CSMD1: variants seen among roughly 807,000 people sequenced by gnomAD.
CSMD1 encodes CUB and sushi domain-containing protein 1.
In CSMD1, 213 loss-of-function variants were observed where a neutral mutation model predicts 417.5. That is an observed-to-expected ratio of 0.51 (90% CI 0.46 to 0.57). The LOEUF (loss-of-function observed/expected upper bound fraction) is 0.57, where lower values mean the gene tolerates loss of function less well. Ranked by LOEUF, CSMD1 falls within the 20% of genes least tolerant of loss-of-function variation. The pLI is 0.00. For missense variants in CSMD1, 6,923 were observed against 4,529.7 expected, an observed-to-expected ratio of 1.53 and a Z score of -15.17; for synonymous variants, 2,862 against 1,736.8, an observed-to-expected ratio of 1.65 and a Z score of -16.11.
intron 65 of CSMD1, among the ~76,000 whole-genome samples, chr8:2,951,637 A>G (rs1179690862): frequency 6.6e-6 from 1 of 152,154 alleles, no homozygotes; most frequent in Non-Finnish European, 1.5e-5. Flanking sequence ...TACCTGACCC[A>G]TGAAATCACT....
chr8:4,386,855 G>C (rs905132562), intron 3 of CSMD1, among the ~76,000 whole-genome samples: 13 of 152,226 alleles, frequency 8.5e-5, no homozygotes, highest in African/African-American at 3.1e-4. Context: ...AGCAGCAAAT[G>C]TTGAATCCCT....
rs115465521 is a variant in CSMD1, at chr8:3,886,639, G to C, written c.818+111264C>G. Among the ~76,000 whole-genome samples, 1,509 of 152,220 alleles carry C rather than the reference G, an allele frequency of 9.9e-3. 11 individuals carry two copies. The highest frequency in any genetic ancestry group is 0.034 in the Middle Eastern group (10 of 294). On this transcript the variant is annotated intron_variant, in intron 5 of 69. Transcript: ENST00000635120. ...CCCATAGGCTGCAGTTTGCTGAGTA[G>C]TGAGATGTATCTTCTAACAACAGCT...
chr8:2,984,421 T>A (rs1369951175), intron 54 of CSMD1, among the ~76,000 whole-genome samples: 1 of 152,038 alleles, frequency 6.6e-6, no homozygotes, highest in Admixed American at 6.6e-5. Context: ...TTATCTTGGC[T>A]CACTGCAACC....
intron 2 of CSMD1, among the ~76,000 whole-genome samples, chr8:4,586,786 G>T (rs1037339068): frequency 6.6e-6 from 1 of 152,160 alleles, no homozygotes; most frequent in Admixed American, 6.5e-5. Context: ...TGCTCCTCCA[G>T]GATGATACTG....
intron 6 of CSMD1, among the ~76,000 whole-genome samples, chr8:3,724,904 G>A (rs1333476530): frequency 1.3e-5 from 2 of 152,196 alleles, no homozygotes; most frequent in African/African-American, 2.4e-5. Flanking sequence ...ATCTGCCATG[G>A]TAAAGAAGCA....
At chr8:3,967,315 T>C (rs778880966) in intron 5 of CSMD1, among the ~76,000 whole-genome samples, 1 of 152,170 alleles carries the variant, frequency 6.6e-6, no homozygotes, top group African/African-American at 2.4e-5. Context: ...TACACCTGAA[T>C]GGAAATGATG....
chr8:3,673,053 G>C lies in CSMD1; in HGVS notation c.1009+35361C>G, dbSNP rs1223463731. Among the ~76,000 whole-genome samples, 4 of 152,236 alleles carry C rather than the reference G, an allele frequency of 2.6e-5. No individual in the cohort carries two copies. The East Asian group carries it at 7.7e-4, about 29-fold the overall frequency. ...TTCATCTCTAGAAAGTGAGCATTTA[G>C]CGGTATGATTGATATACTGTAAATG... On this transcript the variant is annotated intron_variant, in intron 7 of 69. Coordinates refer to ENST00000635120, the MANE Select transcript of CSMD1 (RefSeq NM_033225.6).
chr8:3,976,314 G>C (rs768698256), intron 5 of CSMD1, among the ~76,000 whole-genome samples: 1 of 151,904 alleles, frequency 6.6e-6, no homozygotes, highest in Non-Finnish European at 1.5e-5. Context: ...TTTTCTCATA[G>C]AGTCAATGCG....
intron 1 of CSMD1, among the ~76,000 whole-genome samples, chr8:4,795,551 C>G (rs1379080877): frequency 6.6e-6 from 1 of 151,876 alleles, no homozygotes; most frequent in Admixed American, 6.5e-5. Context: ...CATGAGCCAC[C>G]GCACCCGGCC....
chr8:4,958,263 T>C (rs1809253196), intron 1 of CSMD1, among the ~76,000 whole-genome samples: 1 of 152,218 alleles, frequency 6.6e-6, no homozygotes, highest in South Asian at 2.1e-4. Flanking sequence ...GAAAAACAGG[T>C]TCAATGAAAG....
intron 3 of CSMD1, among the ~76,000 whole-genome samples, chr8:4,345,426 A>G (rs1004258512): frequency 1.3e-5 from 2 of 152,134 alleles, no homozygotes; most frequent in Non-Finnish European, 2.9e-5. Flanking sequence ...TATAGTGATC[A>G]AATCAGGATA....
At chr8:3,336,912 A>G (rs1465193586) in intron 23 of CSMD1, among the ~76,000 whole-genome samples, 1 of 152,074 alleles carries the variant, frequency 6.6e-6, no homozygotes, top group Admixed American at 6.5e-5. Flanking sequence ...TCCAAAACAC[A>G]GGTCTTGTAA....
At chr8:3,053,348 T>C (rs533609743) in intron 49 of CSMD1, among the ~76,000 whole-genome samples, 12 of 152,210 alleles carry the variant, frequency 7.9e-5, no homozygotes, top group African/African-American at 2.4e-5. Flanking sequence ...AGCATCTTTA[T>C]CATCACAATG....
intron 3 of CSMD1, among the ~76,000 whole-genome samples, chr8:4,282,887 T>G (rs1796863712): frequency 6.6e-6 from 1 of 152,202 alleles, no homozygotes; most frequent in Admixed American, 6.5e-5. Flanking sequence ...TATTTTACAT[T>G]AATGGTTGAA....
intron 40 of CSMD1, among the ~76,000 whole-genome samples, chr8:3,144,177 C>G (rs1008590641): frequency 6.6e-6 from 1 of 152,092 alleles, no homozygotes; most frequent in Non-Finnish European, 1.5e-5. Flanking sequence ...CAAACTAAGG[C>G]TCTGAAATGT....
chr8:4,925,541 T>TC (rs1219457500), intron 1 of CSMD1, among the ~76,000 whole-genome samples: 1 of 148,818 alleles, frequency 6.7e-6, no homozygotes, highest in Non-Finnish European at 1.5e-5. Context: ...CATTTTCTTT[T>TC]TTTTTTCTTT....
chr8:3,462,406 G>T (rs1264957536), intron 12 of CSMD1, among the ~76,000 whole-genome samples: 2 of 152,152 alleles, frequency 1.3e-5, no homozygotes, highest in African/African-American at 4.8e-5. Context: ...TGAGCAGCAG[G>T]CAACGGAGCA....
At chr8:4,187,420 G>A (rs184958435) in intron 3 of CSMD1, among the ~76,000 whole-genome samples, 24 of 152,252 alleles carry the variant, frequency 1.6e-4, no homozygotes, top group African/African-American at 5.8e-4. Flanking sequence ...GCCAAGGCAG[G>A]CAGATCACCT....
At chr8:3,684,846 C>A (rs1292696548) in intron 7 of CSMD1, among the ~76,000 whole-genome samples, 6 of 152,096 alleles carry the variant, frequency 3.9e-5, no homozygotes. Flanking sequence ...CATCACGACT[C>A]TTATTACATT....
Sources: allele counts gnomAD v4.1 joint callset (sites outside exome capture counted in the v4.1 genomes callset), GRCh38; gene constraint gnomAD v4.1.1; transcripts MANE v1.5; gene names NCBI Gene and HGNC (gene_info 2026-07-23, HGNC 2026-07-21).